The following SIAE variants were observed in gnomAD, a reference collection of about 807,000 sequenced individuals.
SIAE encodes sialate O-acetylesterase.
SIAE carries 39 observed loss-of-function variants against 52.6 expected under a neutral mutation model. That is an observed-to-expected ratio of 0.74 (90% CI 0.57 to 0.97). SIAE has a LOEUF of 0.97. Ranked by LOEUF, SIAE falls within the 50% of genes least tolerant of loss-of-function variation. The pLI is 0.00. For synonymous variants in SIAE, 233 were observed against 241.4 expected (o/e 0.97, Z 0.32); for missense variants, 592 against 662.1 (o/e 0.89, Z 1.16).
chr11:124,675,744 C>T (rs1314500888), upstream of SIAE: 2 of 201,144 alleles, frequency 9.9e-6, no homozygotes, highest in Admixed American at 5.6e-5. Context: ...AGTCTACCCT[C>T]GCCACGTTCC....
At chr11:124,663,560 C>T (rs58225494) in intron 2 of SIAE, among the ~76,000 whole-genome samples, 2,614 of 152,188 alleles carry the variant, frequency 0.017, 74 homozygotes, top group African/African-American at 0.059. Flanking sequence ...GGCGACAGAG[C>T]GAGACTTTGT....
At chr11:124,675,538 A>G, upstream of SIAE, 3 of 1,068,760 alleles carry the variant, frequency 2.8e-6, no homozygotes, top group Non-Finnish European at 4.0e-6. Flanking sequence ...GGAGTTTCAG[A>G]TAACAGTTCT....
At position 124,636,940 on chromosome 11, in the gene SIAE, T is replaced by A; in HGVS notation, c.*11A>T. On this transcript the variant is annotated 3_prime_UTR_variant, in exon 10 of 10. Transcript: ENST00000263593. ...CATCCTTATATCTAAGTTCTGATCA[T>A]ACTGAAACAGTCATTTAGCAACATT... The A allele has an allele frequency of 6.2e-7, 1 of 1,614,218 alleles. No homozygotes were observed. Among genetic ancestry groups the A allele is most frequent in the Non-Finnish European group, 8.5e-7 (1 of 1,180,050 alleles).
upstream of SIAE, chr11:124,673,793 C>T (rs1943414548): frequency 2.0e-6 from 3 of 1,498,782 alleles, no homozygotes; most frequent in African/African-American, 2.8e-5. Context: ...AGGCCGACTC[C>T]ACCCTTTTGC....
In SIAE at chr11:124,667,746, G is replaced by A. The variant is rs60909084; in HGVS notation, c.229+1614C>T. Among the ~76,000 whole-genome samples, 1,348 of 152,194 alleles carry A rather than the reference G, an allele frequency of 8.9e-3. 24 individuals carry two copies. In the East Asian group the frequency reaches 0.092, roughly 10 times the overall value. ...AGCGCTATCTGTAACATCCAGCCCT[G>A]AGCATGCCTTCCTTCATCCCATAAC... is the stretch of plus-strand genomic sequence containing the variant. On this transcript the variant is annotated intron_variant, in intron 2 of 9. Coordinates refer to ENST00000263593, the MANE Select transcript of SIAE (RefSeq NM_170601.5).
At chr11:124,647,544 A>G in intron 6 of SIAE, 46 bp from the exon 7 acceptor site, 1 of 1,609,438 alleles carries the variant, frequency 6.2e-7, no homozygotes, top group Non-Finnish European at 8.5e-7. Flanking sequence ...TAGACTGCAA[A>G]AATGACCACA....
Position 124,637,000 on chromosome 11 carries a change from G to A in SIAE, c.1523C>T (p.Ala508Val), listed in dbSNP as rs759488732. 6.8e-6 allele frequency: 11 copies of A among 1,614,188 alleles called. No homozygotes were observed. Among genetic ancestry groups the A allele is most frequent in the South Asian group, 2.2e-5 (2 of 91,082 alleles). The change falls in exon 10 of 10, where the codon GCT becomes GTT. Residue 508 changes from alanine to valine, a missense_variant. Ala to Val is a moderately conservative substitution (Grantham distance 64). Transcript: ENST00000263593. Reference protein sequence around the residue: ...SSALPAPPFIAFITDQGPGHQ... With the variant: ...SSALPAPPFIVFITDQGPGHQ... ...TCCAGGACCCTGGTCTGTAATGAAA[G>A]CAATGAAGGGAGGGGCTGGCAGGGC... is the stretch of plus-strand genomic sequence containing the variant.
upstream of SIAE, chr11:124,673,747 T>G (rs776615577): frequency 1.9e-6 from 3 of 1,606,580 alleles, no homozygotes; most frequent in East Asian, 6.8e-5. Flanking sequence ...ACTGGGAAAG[T>G]GGGTTCCCGG....
At position 124,654,790 on chromosome 11, in the gene SIAE, A is replaced by G. The variant is rs1943072333; in HGVS notation, c.409T>C (p.Phe137Leu). The change falls in exon 4 of 10, where the codon TTT (phenylalanine) becomes CTT (leucine). Residue 137 changes from phenylalanine to leucine, a missense_variant. By Grantham distance (22) the Phe-to-Leu change is conservative. Transcript: ENST00000263593. ...SNMQMTVLQI[F>L]NATRELSNTA... ...TTAGACAACTCCCTTGTAGCATTAA[A>G]TATCTGGAAAAGAAATTGAAACGTC... 1.2e-6 allele frequency: 2 copies of G among 1,613,516 alleles called. No individual in the cohort carries two copies. The highest frequency in any genetic ancestry group is 1.3e-5 in the African/African-American group (1 of 75,008).
At chr11:124,651,235 G>A (rs1240262153) in intron 4 of SIAE, among the ~76,000 whole-genome samples, 1 of 152,090 alleles carries the variant, frequency 6.6e-6, no homozygotes, top group Non-Finnish European at 1.5e-5. Context: ...TCTCCTCATA[G>A]GTCTATTAGT....
chr11:124,662,915 C>T (rs1191500300), intron 2 of SIAE, among the ~76,000 whole-genome samples: 1 of 152,108 alleles, frequency 6.6e-6, no homozygotes, highest in African/African-American at 2.4e-5. Context: ...GAGGCCGAGG[C>T]AGGTGGATCA....
intron 2 of SIAE, among the ~76,000 whole-genome samples, chr11:124,662,598 A>G (rs1943203926): frequency 6.6e-6 from 1 of 152,216 alleles, no homozygotes; most frequent in Admixed American, 6.5e-5. Context: ...TCTGCTACCC[A>G]GTAATTAAAA....
chr11:124,639,479 C>T (rs1269390034), intron 8 of SIAE, among the ~76,000 whole-genome samples: 1 of 152,190 alleles, frequency 6.6e-6, no homozygotes, highest in Non-Finnish European at 1.5e-5. Flanking sequence ...TTACAGTGAG[C>T]AAAGTCTCTG....
intron 7 of SIAE, among the ~76,000 whole-genome samples, chr11:124,644,201 T>C (rs1327597158): frequency 1.3e-5 from 2 of 152,016 alleles, no homozygotes; most frequent in Non-Finnish European, 2.9e-5. Flanking sequence ...AGCCTCACAG[T>C]AGAATCTCAT....
chr11:124,667,332 T>G (rs1451164154), intron 2 of SIAE, among the ~76,000 whole-genome samples: 1 of 152,192 alleles, frequency 6.6e-6, no homozygotes, highest in Non-Finnish European at 1.5e-5. Context: ...CAGAGAAGCA[T>G]GTCTCAATCA....
chr11:124,653,239 C>A (rs1045402512), intron 4 of SIAE, among the ~76,000 whole-genome samples: 5 of 152,140 alleles, frequency 3.3e-5, no homozygotes, highest in African/African-American at 9.7e-5. Context: ...GGTATTCTTG[C>A]CTGTTTTACT....
Position 124,637,108 on chromosome 11 carries a change from TGAC to T in SIAE, c.1412_1414del (p.Cys471_His472delinsTyr), listed in dbSNP as rs776672822. On this transcript the variant is annotated inframe_deletion, in exon 10 of 10. Coordinates refer to ENST00000263593, the MANE Select transcript of SIAE (RefSeq NM_170601.5). ...ATAGCGGAGAGCAACCACAGTGCCA[TGAC>T]AAGAATCGATCGCCAGGGTCAGGGA... 1 of 1,614,142 alleles carries T rather than the reference TGAC, an allele frequency of 6.2e-7. No homozygotes were observed. Among genetic ancestry groups the T allele is most frequent in the Admixed American group, 1.7e-5 (1 of 60,028 alleles).
At chr11:124,642,233 T>C (rs1479583186) in intron 7 of SIAE, among the ~76,000 whole-genome samples, 1 of 152,166 alleles carries the variant, frequency 6.6e-6, no homozygotes, top group Non-Finnish European at 1.5e-5. Context: ...AGCACCAGAA[T>C]ATTTGGGGAA....
chr11:124,647,467 C>G lies in SIAE; in HGVS notation c.864G>C (p.Leu288=), dbSNP rs200593120. The G allele has an allele frequency of 1.4e-5, 22 of 1,614,072 alleles. No homozygotes were observed. Among genetic ancestry groups the G allele is most frequent in the Non-Finnish European group, 1.6e-5 (19 of 1,180,034 alleles). ...GESNINYNTD[L]YNCTFPALIE... is the part of the protein sequence containing the mutation. The stretch of plus-strand genomic sequence containing the variant: ...TGAGTGCAGGGAATGTGCAATTGTA[C>G]AGATCCGTGTTATAATTTATATTGG... Residue 288 remains leucine, a synonymous_variant, in exon 7 of 10, where the codon CTG becomes CTC. Coordinates refer to ENST00000263593, the MANE Select transcript of SIAE (RefSeq NM_170601.5).
Sources: gnomAD v4.1 joint callset for allele counts (sites outside exome capture counted in the v4.1 genomes callset) on GRCh38, gnomAD v4.1.1 for gene constraint, MANE v1.5 for transcripts, NCBI Gene and HGNC (gene_info 2026-07-23, HGNC 2026-07-21) for gene names.